Variants in RGS7 observed in about 807,000 individuals in gnomAD.
RGS7 encodes the protein regulator of G protein signaling 7, also known as regulator of G-protein signaling 7.
RGS7 carries 27 observed loss-of-function variants against 81.1 expected under a neutral mutation model. The observed-to-expected ratio is 0.33, with a 90% CI of 0.25 to 0.46. The LOEUF (loss-of-function observed/expected upper bound fraction) is 0.46. RGS7 is among the 20% of genes least tolerant of loss of function. The pLI is 1.00. For missense variants in RGS7, 396 were observed against 607.4 expected (o/e 0.65, Z 3.66); for synonymous variants, 208 against 207.7 (o/e 1.00, Z -0.01).
chr1:241,220,712 T>C (rs1180518040), intron 2 of RGS7, among the ~76,000 whole-genome samples: 2 of 152,036 alleles, frequency 1.3e-5, no homozygotes, highest in African/African-American at 4.8e-5. Context: ...TTTGCAATCA[T>C]ATTAATAATT....
rs374223475 is a variant in RGS7 at position 241,030,373 on chromosome 1, T to TATATATATATAC, written c.176-47245_176-47244insGTATATATATAT. On this transcript the variant is annotated intron_variant, in intron 3 of 18. Transcript: ENST00000440928. ...CCAGAACTTATAGCATATATATATA[T>TATATATATATAC]ACATACACACATACATACACACACA... Among the ~76,000 whole-genome samples, 26 of 135,236 alleles carry TATATATATATAC rather than the reference T, an allele frequency of 1.9e-4. 1 individual carries two copies. The highest frequency in any genetic ancestry group is 6.8e-4 in the African/African-American group (24 of 35,334). The allele number at this position is 135,236 out of a possible 152,430, so 88.7% of individuals were successfully genotyped here.
intron 3 of RGS7, among the ~76,000 whole-genome samples, chr1:241,077,302 G>C (rs750477049): frequency 4.6e-5 from 7 of 152,094 alleles, no homozygotes; most frequent in South Asian, 2.1e-4. Context: ...AATGGATAAG[G>C]GTTCACAGAA....
At chr1:240,990,035 G>A (rs1161868594) in intron 3 of RGS7, among the ~76,000 whole-genome samples, 1 of 152,120 alleles carries the variant, frequency 6.6e-6, no homozygotes, top group Non-Finnish European at 1.5e-5. Flanking sequence ...CACTGAAGAC[G>A]GCAAGACATT....
At chr1:241,147,616 A>G (rs1400175920) in intron 2 of RGS7, among the ~76,000 whole-genome samples, 1 of 151,686 alleles carries the variant, frequency 6.6e-6, no homozygotes, top group African/African-American at 2.4e-5. Context: ...GATTCATGCA[A>G]TCATGCCAAA....
intron 2 of RGS7, among the ~76,000 whole-genome samples, chr1:241,341,936 G>A (rs1417538144): frequency 6.9e-6 from 1 of 144,766 alleles, no homozygotes; most frequent in Non-Finnish European, 1.5e-5. Context: ...GTGCAGTGGT[G>A]CAATCTCAGC....
chr1:240,946,881 G>A (rs1678714352), intron 4 of RGS7, among the ~76,000 whole-genome samples: 1 of 152,168 alleles, frequency 6.6e-6, no homozygotes, highest in African/African-American at 2.4e-5. Context: ...TTTGAATGCC[G>A]TTACCGCAAA....
At chr1:240,910,268 G>A (rs1194259415) in intron 6 of RGS7, among the ~76,000 whole-genome samples, 7 of 152,196 alleles carry the variant, frequency 4.6e-5, no homozygotes, top group Non-Finnish European at 8.8e-5. Flanking sequence ...CGGTTTGTAT[G>A]TAAATAAATG....
At chr1:240,903,678 C>A (rs1670371144) in intron 6 of RGS7, among the ~76,000 whole-genome samples, 1 of 152,118 alleles carries the variant, frequency 6.6e-6, no homozygotes, top group Admixed American at 6.5e-5. Context: ...GAAATCTGAT[C>A]CCCATGATGG....
At chr1:241,127,169 A>T (rs1261539950) in intron 2 of RGS7, among the ~76,000 whole-genome samples, 1 of 152,210 alleles carries the variant, frequency 6.6e-6, no homozygotes, top group Non-Finnish European at 1.5e-5. Flanking sequence ...GCCTTACCTG[A>T]GGAGGTAACT....
At chr1:241,119,649 T>C (rs1293951200) in intron 2 of RGS7, among the ~76,000 whole-genome samples, 21 of 152,182 alleles carry the variant, frequency 1.4e-4, no homozygotes, top group Admixed American at 1.4e-3. Context: ...CATCATACAA[T>C]ATCCAAAATG....
chr1:240,903,112 T>C (rs1157994543), intron 6 of RGS7, among the ~76,000 whole-genome samples: 1 of 152,234 alleles, frequency 6.6e-6, no homozygotes, highest in Admixed American at 6.5e-5. Context: ...TTCAAGACCA[T>C]GCTGCACAGA....
chr1:240,846,610 G>A (rs1192742589), intron 9 of RGS7, among the ~76,000 whole-genome samples: 1 of 152,100 alleles, frequency 6.6e-6, no homozygotes, highest in African/African-American at 2.4e-5. Context: ...CTACTGTGGT[G>A]AGTACCCTCC....
chr1:241,186,521 A>ATT (rs1318970267), intron 2 of RGS7: 12 of 340,296 alleles, frequency 3.5e-5, no homozygotes, highest in African/African-American at 2.6e-4. Context: ...ATATATATAT[A>ATT]TATTTTTTTT....
intron 2 of RGS7, among the ~76,000 whole-genome samples, chr1:241,344,001 TAC>T (rs2082730125): frequency 6.6e-6 from 1 of 152,230 alleles, no homozygotes; most frequent in African/African-American, 2.4e-5. Flanking sequence ...TAATTTTATT[TAC>T]CTTTTTATAT....
intron 2 of RGS7, among the ~76,000 whole-genome samples, chr1:241,325,756 C>G (rs867335737): frequency 2.0e-5 from 3 of 152,082 alleles, no homozygotes; most frequent in Non-Finnish European, 4.4e-5. Context: ...ACAAACTATT[C>G]TCCTTTTTTT....
intron 10 of RGS7, 93 bp from the exon 11 acceptor site, chr1:240,816,508 G>T (rs1166865167): frequency 6.2e-6 from 5 of 802,510 alleles, no homozygotes; most frequent in Non-Finnish European, 1.1e-5. Context: ...ATTCAGTAAG[G>T]TCTCTCAAAG....
At chr1:240,869,910 A>T (rs1475884832) in intron 7 of RGS7, 145 bp downstream of exon 7, 2 of 777,600 alleles carry the variant, frequency 2.6e-6, no homozygotes, top group African/African-American at 3.4e-5. Flanking sequence ...ACTGCACTCT[A>T]GCCTGGGTGA....
chr1:241,114,785 C>T (rs1209894131), intron 2 of RGS7, among the ~76,000 whole-genome samples: 12 of 152,174 alleles, frequency 7.9e-5, no homozygotes, highest in Non-Finnish European at 1.6e-4. Context: ...AGTCATGTGA[C>T]AGGCAGCTGT....
chr1:240,964,216 T>G (rs1681927801), intron 4 of RGS7, among the ~76,000 whole-genome samples: 1 of 152,082 alleles, frequency 6.6e-6, no homozygotes, highest in Non-Finnish European at 1.5e-5. Context: ...AAGATTATGG[T>G]CTGATATTGA....
Sources: gnomAD v4.1 joint callset for allele counts (sites outside exome capture counted in the v4.1 genomes callset) on GRCh38, gnomAD v4.1.1 for gene constraint, MANE v1.5 for transcripts, NCBI Gene and HGNC (gene_info 2026-07-23, HGNC 2026-07-21) for gene names.